The following BTNL3 variants were observed in gnomAD, a reference collection of about 807,000 sequenced individuals.
BTNL3 encodes butyrophilin like 3.
Under a neutral mutation model 40.1 loss-of-function variants are expected in BTNL3, and 20 were observed. The ratio of observed to expected loss-of-function variants is 0.50; its 90% CI spans 0.35 to 0.72. The LOEUF is 0.72. BTNL3 is among the 30% of genes least tolerant of loss of function. The pLI is 0.01. For synonymous variants in BTNL3, 179 were observed against 222.1 expected (o/e 0.81, Z 1.73); for missense variants, 449 against 582.2 (o/e 0.77, Z 2.35).
At chr5:180,998,590 T>A (rs1440920876) in intron 3 of BTNL3, among the ~76,000 whole-genome samples, 2 of 136,874 alleles carry the variant, frequency 1.5e-5, no homozygotes, top group Non-Finnish European at 3.3e-5. Flanking sequence ...TACAATGGTT[T>A]TAAGAAAATT....
intron 2 of BTNL3, among the ~76,000 whole-genome samples, chr5:180,995,077 A>C (rs1484021302): frequency 7.3e-6 from 1 of 136,702 alleles, no homozygotes; most frequent in Non-Finnish European, 1.7e-5. Flanking sequence ...CTGAGCCACC[A>C]TGCCAGGCCA....
intron 2 of BTNL3, among the ~76,000 whole-genome samples, chr5:180,996,556 G>C (rs62406757): frequency 0.024 from 3,288 of 136,564 alleles, 740 homozygotes; most frequent in Middle Eastern, 0.039. Context: ...GCCTTTTTCA[G>C]ATCTTGTCTC....
Position 181,005,655 on chromosome 5 carries a change from T to A in BTNL3, c.1184T>A (p.Phe395Tyr), listed in dbSNP as rs1171879416. 1 of 1,613,992 alleles carries A rather than the reference T, an allele frequency of 6.2e-7. No individual in the cohort carries two copies. The highest frequency in any genetic ancestry group is 1.1e-5 in the South Asian group (1 of 91,060). The part of the protein sequence containing the change: ...EHLYFTFNPH[F>Y]ISLPPSTPPT... ...TTGTATTTCACATTCAATCCCCATTTTATCAGCCTCCCCCCCAGCACCCCT... is the reference window on the plus strand; with the variant it reads ...TTGTATTTCACATTCAATCCCCATTATATCAGCCTCCCCCCCAGCACCCCT... The change falls in exon 8 of 8, where the codon TTT becomes TAT. Residue 395 changes from phenylalanine to tyrosine, a missense_variant. Phe to Tyr is a conservative substitution (Grantham distance 22). This residue lies in a region of BTNL3 where 126 missense variants were observed against 117.2 expected (regional missense o/e 1.07). Coordinates refer to ENST00000342868, the MANE Select transcript of BTNL3 (RefSeq NM_197975.3).
rs747405558 is a variant in BTNL3 at position 181,004,688 on chromosome 5, G to A, written c.836-48G>A. 3.7e-6 allele frequency: 6 copies of A among 1,613,926 alleles called. No homozygotes were observed. The Admixed American group carries it at 1.0e-4, about 27-fold the overall frequency. ...GGTCTTTCCCTTCTCCCTGCGCCCT[G>A]TTTCCCACGTGAGCACGGAACTGCC... is the stretch of plus-strand genomic sequence containing the variant. On this transcript the variant is annotated intron_variant, in intron 6 of 7. Coordinates refer to ENST00000342868, the MANE Select transcript of BTNL3 (RefSeq NM_197975.3).
At chr5:180,996,301 G>C (rs1164854665) in intron 2 of BTNL3, among the ~76,000 whole-genome samples, 1 of 136,258 alleles carries the variant, frequency 7.3e-6, no homozygotes, top group Non-Finnish European at 1.7e-5. Flanking sequence ...CTCCTCCCCA[G>C]CCCTTCTTTT....
chr5:180,997,091 A>T lies in BTNL3; in HGVS notation c.398-122A>T, dbSNP rs539764038. ...AGAGAGAAAAGGATGTGTGTGTGTG[A>T]GAGAGAGAGAGAGAGAAAAGGATGT... is the stretch of plus-strand genomic sequence containing the variant. On this transcript the variant is annotated intron_variant, in intron 2 of 7. Coordinates refer to ENST00000342868, the MANE Select transcript of BTNL3 (RefSeq NM_197975.3). 1.5e-3 allele frequency: 724 copies of T among 491,948 alleles called. 5 individuals are homozygous for T. The highest frequency in any genetic ancestry group is 3.0e-3 in the South Asian group (57 of 18,724). 30.5% of individuals were successfully genotyped at this position (491,948 alleles called of 1,614,324 possible). A position where few individuals can be genotyped will look rare whatever the true frequency, so the allele number is the denominator to read the frequency against.
Position 181,006,029 on chromosome 5 carries a change from T to G in BTNL3, c.*157T>G, listed in dbSNP as rs1760225457. On this transcript the variant is annotated 3_prime_UTR_variant, in exon 8 of 8. Coordinates refer to ENST00000342868, the MANE Select transcript of BTNL3 (RefSeq NM_197975.3). ...TTAGGGAGCTGAGGTTCTTCTGCCC[T>G]GAGCCCTGCAGCAGCGGCAGTCACA... 1 of 825,354 alleles carries G rather than the reference T, an allele frequency of 1.2e-6. No individual in the cohort carries two copies. Among genetic ancestry groups the G allele is most frequent in the Non-Finnish European group, 1.8e-6 (1 of 552,932 alleles). 51.1% of individuals were successfully genotyped at this position (825,354 alleles called of 1,614,324 possible). A position where few individuals can be genotyped will look rare whatever the true frequency, so the allele number is the denominator to read the frequency against.
chr5:181,003,896 C>T lies in BTNL3; in HGVS notation c.808+20C>T. ...AACTGGGTATGTGTCATGTCCTGAG[C>T]CTCCCACACATGGTTCTCCCGGGTC... is the stretch of plus-strand genomic sequence containing the variant. On this transcript the variant is annotated intron_variant, in intron 5 of 7. Coordinates refer to ENST00000342868, the MANE Select transcript of BTNL3 (RefSeq NM_197975.3). 1.2e-6 allele frequency: 2 copies of T among 1,614,074 alleles called. No individual in the cohort carries two copies. Among genetic ancestry groups the T allele is most frequent in the Non-Finnish European group, 1.7e-6 (2 of 1,180,000 alleles).
At chr5:181,001,911 A>G (rs547805854) in intron 3 of BTNL3, among the ~76,000 whole-genome samples, 2 of 125,658 alleles carry the variant, frequency 1.6e-5, no homozygotes, top group Non-Finnish European at 3.6e-5. Flanking sequence ...CATTACCTTT[A>G]AAAAAAAAAA....
chr5:180,997,381 A>G lies in BTNL3; in HGVS notation c.566A>G (p.Tyr189Cys), dbSNP rs773057598. 1.6e-5 allele frequency: 23 copies of G among 1,463,858 alleles called. 2 individuals carry two copies. The African/African-American group carries it at 2.6e-4, about 17-fold the overall frequency. 90.7% of individuals were successfully genotyped at this position (1,463,858 alleles called of 1,614,324 possible). A position where few individuals can be genotyped will look rare whatever the true frequency, so the allele number is the denominator to read the frequency against. Reference protein sequence around the residue: ...SRANADGYSLYDVEISIIVQE... With the variant: ...SRANADGYSLCDVEISIIVQE... ...GCAAATGCAGATGGGTACAGCCTGT[A>G]TGATGTGGAGATCTCCATTATAGTC... Residue 189 changes from tyrosine to cysteine, a missense_variant, in exon 3 of 8, where the codon TAT (tyrosine) becomes TGT (cysteine). By Grantham distance (194) the Tyr-to-Cys change is radical. Transcript: ENST00000342868.
At chr5:181,002,993 C>T (rs1760150306) in intron 4 of BTNL3, among the ~76,000 whole-genome samples, 1 of 135,998 alleles carries the variant, frequency 7.4e-6, no homozygotes. Flanking sequence ...CTGCCAATCC[C>T]TTTCTACTTT....
At chr5:181,004,804 A>G in intron 7 of BTNL3, 42 bp downstream of exon 7, 1 of 1,614,102 alleles carries the variant, frequency 6.2e-7, no homozygotes, top group Non-Finnish European at 8.5e-7. Context: ...TGGAGTAGGA[A>G]GATGACCAGT....
At position 181,003,242 on chromosome 5, in the gene BTNL3, C is replaced by T. The variant is rs962176164; in HGVS notation, c.787+457C>T. The stretch of plus-strand genomic sequence containing the variant: ...AAATAATTAGCTGGGTGTGGTGGTG[C>T]GTGACTGTGGTCCCAGCTACTTAGG... On this transcript the variant is annotated intron_variant, in intron 4 of 7. Coordinates refer to ENST00000342868, the MANE Select transcript of BTNL3 (RefSeq NM_197975.3). Among the ~76,000 whole-genome samples, 4 of 134,182 alleles carry T rather than the reference C, an allele frequency of 3.0e-5. 1 individual carries two copies. Among genetic ancestry groups the T allele is most frequent in the Admixed American group, 1.6e-4 (2 of 12,498 alleles). 88.0% of individuals were successfully genotyped at this position (134,182 alleles called of 152,430 possible).
intron 7 of BTNL3, 49 bp from the exon 8 acceptor site, chr5:181,005,285 A>G: frequency 6.9e-6 from 11 of 1,601,588 alleles, no homozygotes; most frequent in Non-Finnish European, 9.4e-6. Flanking sequence ...TCCAGCCCAG[A>G]TTTCGTCTTC....
At chr5:180,989,366 C>T (rs920173831) in intron 1 of BTNL3, among the ~76,000 whole-genome samples, 2 of 136,712 alleles carry the variant, frequency 1.5e-5, no homozygotes, top group East Asian at 2.2e-4. Flanking sequence ...ACATTGAGAA[C>T]GCCAAGGTAA....
chr5:181,005,321 C>G lies in BTNL3; in HGVS notation c.863-13C>G, dbSNP rs749318904. Reference sequence around the variant, plus strand: ...AGTAACTCATGCTTCCTCTCTCCCCCACCGCACCCCAGTGGAGGTGACTCT... The same window carrying G: ...AGTAACTCATGCTTCCTCTCTCCCCGACCGCACCCCAGTGGAGGTGACTCT... On this transcript the variant is annotated splice_polypyrimidine_tract_variant and intron_variant, in intron 7 of 7. Coordinates refer to ENST00000342868, the MANE Select transcript of BTNL3 (RefSeq NM_197975.3). The G allele has an allele frequency of 2.5e-6, 4 of 1,605,816 alleles. No individual in the cohort carries two copies. Among genetic ancestry groups the G allele is most frequent in the East Asian group, 2.2e-5 (1 of 44,832 alleles).
At position 180,992,902 on chromosome 5, in the gene BTNL3, A is replaced by G; in HGVS notation, c.139A>G (p.Ser47Gly). The G allele has an allele frequency of 6.8e-7, 1 of 1,463,356 alleles. No individual in the cohort carries two copies. The highest frequency in any genetic ancestry group is 9.4e-7 in the Non-Finnish European group (1 of 1,058,946). 90.6% of individuals were successfully genotyped at this position (1,463,356 alleles called of 1,614,324 possible). A position where few individuals can be genotyped will look rare whatever the true frequency, so the allele number is the denominator to read the frequency against. Residue 47 changes from serine to glycine, a missense_variant, in exon 2 of 8, where the codon AGT (serine) becomes GGT (glycine). Transcript: ENST00000342868. Reference protein sequence around the residue: ...VFSCSLFPETSAEAMEVRFFR... With the variant: ...VFSCSLFPETGAEAMEVRFFR... ...CTCCTGCTCCCTCTTTCCTGAGACC[A>G]GTGCAGAGGCTATGGAAGTGCGGTT...
Position 180,989,086 on chromosome 5 carries a change from T to G in BTNL3, c.49+9T>G. 1.4e-6 allele frequency: 2 copies of G among 1,439,460 alleles called. No homozygotes were observed. The highest frequency in any genetic ancestry group is 1.9e-6 in the Non-Finnish European group (2 of 1,046,558). The allele number at this position is 1,439,460 out of a possible 1,614,324, so 89.2% of individuals were successfully genotyped here. A position where few individuals can be genotyped will look rare whatever the true frequency, so the allele number is the denominator to read the frequency against. On this transcript the variant is annotated intron_variant, in intron 1 of 7. Coordinates refer to ENST00000342868, the MANE Select transcript of BTNL3 (RefSeq NM_197975.3). ...CTACGAGCTGGTGTCAGGTAAGCCTTTCAGTTTGGACTGTTGTTTTTCTCC... is the reference window on the plus strand; with the variant it reads ...CTACGAGCTGGTGTCAGGTAAGCCTGTCAGTTTGGACTGTTGTTTTTCTCC...
Position 181,005,818 on chromosome 5 carries a change from G to A in BTNL3, c.1347G>A (p.Met449Ile). The change falls in exon 8 of 8, where the codon ATG becomes ATA. Residue 449 changes from methionine to isoleucine, a missense_variant. Transcript: ENST00000342868. ...GLLRPYIQHA[M>I]YDEEKGTPIF... ...TGAGACCCTATATCCAGCATGCGAT[G>A]TATGACGAGGAAAAGGGGACTCCCA... 2 of 1,613,934 alleles carry A rather than the reference G, an allele frequency of 1.2e-6. No individual in the cohort carries two copies. The highest frequency in any genetic ancestry group is 8.5e-7 in the Non-Finnish European group (1 of 1,179,916).
Sources: allele counts gnomAD v4.1 joint callset (sites outside exome capture counted in the v4.1 genomes callset), GRCh38; gene constraint gnomAD v4.1.1; regional missense constraint gnomAD v4.1.1; transcripts MANE v1.5; gene names NCBI Gene and HGNC (gene_info 2026-07-23, HGNC 2026-07-21).